The following CACNA2D3 variants were observed in gnomAD, a reference collection of about 807,000 sequenced individuals.
CACNA2D3 encodes the protein voltage-dependent calcium channel subunit alpha-2/delta-3.
A neutral mutation model predicts 160.6 loss-of-function variants in CACNA2D3; 60 were observed. The ratio of observed to expected loss-of-function variants is 0.37; its 90% confidence interval spans 0.30 to 0.46. CACNA2D3 has a LOEUF of 0.46. Ranked by LOEUF, CACNA2D3 falls within the 20% of genes least tolerant of loss-of-function variation. The pLI is 1.00. For missense variants in CACNA2D3, 1,205 were observed against 1,365.0 expected (o/e 0.88, Z 1.85); for synonymous variants, 558 against 492.9 (o/e 1.13, Z -1.75).
chr3:54,811,573 C>T (rs1253891341), intron 13 of CACNA2D3, among the ~76,000 whole-genome samples: 1 of 148,184 alleles, frequency 6.7e-6, no homozygotes, highest in Non-Finnish European at 1.5e-5. Context: ...TGTTAGCTCA[C>T]TGCAACCTCC....
At chr3:55,054,750 T>C (rs901803299) in intron 35 of CACNA2D3, among the ~76,000 whole-genome samples, 6 of 151,974 alleles carry the variant, frequency 3.9e-5, no homozygotes, top group Non-Finnish European at 5.9e-5. Context: ...TTCACATGCA[T>C]AGTCAGTTTT....
intron 37 of CACNA2D3, 48 bp from the exon 38 acceptor site, chr3:55,074,066 T>A (rs754460513): frequency 1.4e-6 from 2 of 1,474,526 alleles, no homozygotes; most frequent in South Asian, 2.3e-5. Context: ...AAGTTGAAGG[T>A]GTCCTGGAGT....
At chr3:54,724,388 G>A (rs941643554) in intron 11 of CACNA2D3, among the ~76,000 whole-genome samples, 20 of 152,102 alleles carry the variant, frequency 1.3e-4, no homozygotes, top group African/African-American at 3.1e-4. Context: ...GGATATTCAG[G>A]ACTTGAACTC....
rs74549688 is a variant in CACNA2D3, at chr3:54,153,662, T to A, written c.204+30068T>A. On this transcript the variant is annotated intron_variant, in intron 2 of 37. Transcript: ENST00000474759. Reference sequence around the variant, plus strand: ...GGCCCATCTCATGAACTTTTAAACATGACTCACAAGAAGTATATTTGCATA... The same window carrying A: ...GGCCCATCTCATGAACTTTTAAACAAGACTCACAAGAAGTATATTTGCATA... 3.1e-3 allele frequency among the ~76,000 whole-genome samples: 468 copies of A among 152,326 alleles called. 15 individuals carry two copies. The East Asian group carries it at 0.075, about 24-fold the overall frequency.
At chr3:55,014,192 AC>A (rs1485305745) in intron 34 of CACNA2D3, among the ~76,000 whole-genome samples, 1 of 152,212 alleles carries the variant, frequency 6.6e-6, no homozygotes, top group Non-Finnish European at 1.5e-5. Context: ...AGGGCCTGGC[AC>A]AGGGTTTGGC....
chr3:54,715,196 T>C (rs1480038189), intron 11 of CACNA2D3, among the ~76,000 whole-genome samples: 1 of 152,194 alleles, frequency 6.6e-6, no homozygotes, highest in Non-Finnish European at 1.5e-5. Flanking sequence ...ATCTATTAAC[T>C]TTCTAGAGTG....
At chr3:54,674,375 A>AG (rs1700205392) in intron 11 of CACNA2D3, among the ~76,000 whole-genome samples, 1 of 148,626 alleles carries the variant, frequency 6.7e-6, no homozygotes, top group African/African-American at 2.5e-5. Context: ...GTGAGTGAGA[A>AG]GGGGAAGGAG....
At chr3:54,789,797 A>G (rs2106643449) in intron 13 of CACNA2D3, 1 of 502,714 alleles carries the variant, frequency 2.0e-6, no homozygotes, top group East Asian at 5.6e-5. Context: ...CACTGAGGCC[A>G]GTTTGGCTCA....
intron 2 of CACNA2D3, among the ~76,000 whole-genome samples, chr3:54,263,430 A>G (rs1319949109): frequency 2.0e-5 from 3 of 152,202 alleles, no homozygotes; most frequent in African/African-American, 7.2e-5. Flanking sequence ...TATTTTTACT[A>G]TGATTTTACA....
At chr3:54,949,389 A>G (rs938255466) in intron 27 of CACNA2D3, among the ~76,000 whole-genome samples, 1 of 152,200 alleles carries the variant, frequency 6.6e-6, no homozygotes, top group Non-Finnish European at 1.5e-5. Flanking sequence ...GGCAAAAGTA[A>G]CAGCTGTCTA....
chr3:54,407,087 C>T (rs1699590461), intron 4 of CACNA2D3, among the ~76,000 whole-genome samples: 1 of 152,142 alleles, frequency 6.6e-6, no homozygotes, highest in Non-Finnish European at 1.5e-5. Flanking sequence ...AGCAGAACTA[C>T]TTCTTGAGTG....
chr3:54,584,333 T>G (rs570437077), intron 9 of CACNA2D3, among the ~76,000 whole-genome samples: 2 of 152,166 alleles, frequency 1.3e-5, no homozygotes, highest in Admixed American at 6.5e-5. Context: ...CCCAAAGGAA[T>G]AGAAGTTATA....
At chr3:55,013,446 C>T (rs1234192167) in intron 34 of CACNA2D3, among the ~76,000 whole-genome samples, 1 of 152,198 alleles carries the variant, frequency 6.6e-6, no homozygotes, top group Non-Finnish European at 1.5e-5. Flanking sequence ...ATTCGTCCAT[C>T]TACAGGGTTG....
intron 2 of CACNA2D3, among the ~76,000 whole-genome samples, chr3:54,298,450 A>G (rs539492228): frequency 1.8e-4 from 27 of 152,348 alleles, no homozygotes; most frequent in African/African-American, 6.3e-4. Flanking sequence ...GACGAGAGTT[A>G]TTAGTACTTT....
At chr3:54,801,541 T>A (rs922202688) in intron 13 of CACNA2D3, among the ~76,000 whole-genome samples, 3 of 152,138 alleles carry the variant, frequency 2.0e-5, no homozygotes, top group Non-Finnish European at 2.9e-5. Context: ...AATAAGAAAT[T>A]TAATAAGTAA....
At chr3:54,941,524 T>C (rs1701465530) in intron 27 of CACNA2D3, among the ~76,000 whole-genome samples, 1 of 152,192 alleles carries the variant, frequency 6.6e-6, no homozygotes, top group African/African-American at 2.4e-5. Flanking sequence ...ATGCCGGGAT[T>C]ATGTGGGTGA....
chr3:54,345,254 G>A (rs952601808), intron 3 of CACNA2D3, among the ~76,000 whole-genome samples: 3 of 152,204 alleles, frequency 2.0e-5, no homozygotes, highest in Non-Finnish European at 4.4e-5. Context: ...AGAACCCTCT[G>A]CTGGGGTCTG....
chr3:54,164,255 C>A (rs942548246), intron 2 of CACNA2D3, among the ~76,000 whole-genome samples: 1 of 152,184 alleles, frequency 6.6e-6, no homozygotes, highest in Non-Finnish European at 1.5e-5. Context: ...CACGTACCCC[C>A]TCTCCCCAAA....
At chr3:54,929,268 G>A (rs1355785925) in intron 27 of CACNA2D3, among the ~76,000 whole-genome samples, 5 of 152,136 alleles carry the variant, frequency 3.3e-5, no homozygotes, top group African/African-American at 9.7e-5. Context: ...GGCAGTACAC[G>A]ACATGGCCCA....
Sources: gnomAD v4.1 joint callset for allele counts (sites outside exome capture counted in the v4.1 genomes callset) on GRCh38, gnomAD v4.1.1 for gene constraint, MANE v1.5 for transcripts, NCBI Gene and HGNC (gene_info 2026-07-23, HGNC 2026-07-21) for gene names.